Variants in LRRIQ1 observed in about 807,000 individuals in gnomAD.
The protein encoded by LRRIQ1 is leucine rich repeats and IQ motif containing 1.
LRRIQ1 carries 210 observed loss-of-function variants against 211.9 expected under a neutral mutation model. The observed-to-expected ratio is 0.99, with a 90% CI of 0.89 to 1.11. The LOEUF (loss-of-function observed/expected upper bound fraction) is 1.11, where lower values mean the gene tolerates loss of function less well. LRRIQ1 is among the 50% of genes most tolerant of loss of function. The probability of loss-of-function intolerance (pLI) is 0.00; values close to 1 mark genes in which losing one functional copy is unlikely to be tolerated. For missense variants in LRRIQ1, 2,136 were observed against 1,939.5 expected, an observed-to-expected ratio of 1.10 and a Z score of -1.90; for synonymous variants, 699 against 650.1, an observed-to-expected ratio of 1.08 and a Z score of -1.14.
chr12:85,037,078 CTT>C (rs1400606606), intron 1 of LRRIQ1, among the ~76,000 whole-genome samples: 1 of 152,096 alleles, frequency 6.6e-6, no homozygotes, highest in Non-Finnish European at 1.5e-5. Flanking sequence ...AATATAAACT[CTT>C]TGCAATGATA....
chr12:85,081,902 T>C (rs1419297392), intron 11 of LRRIQ1, among the ~76,000 whole-genome samples: 1 of 151,874 alleles, frequency 6.6e-6, no homozygotes, highest in African/African-American at 2.4e-5. Context: ...TTTGTATTTT[T>C]AGTAGAGAAG....
In LRRIQ1 at chr12:85,038,397, T is replaced by G. The variant is rs921022527; in HGVS notation, c.132+89T>G. On this transcript the variant is annotated intron_variant, in intron 2 of 26. Transcript: ENST00000393217. ...TCAGGATGTTTTTATGTACTTCTCA[T>G]TTTTAGCAGCATTGTTATAAACAAT... 3 of 928,338 alleles carry G rather than the reference T, an allele frequency of 3.2e-6. No homozygotes were observed. The Admixed American group carries it at 9.4e-5, about 29-fold the overall frequency. 57.5% of individuals were successfully genotyped at this position (928,338 alleles called of 1,614,324 possible). A position where few individuals can be genotyped will look rare whatever the true frequency, so the allele number is the denominator to read the frequency against.
At chr12:85,126,639 A>G (rs1888386069) in intron 17 of LRRIQ1, among the ~76,000 whole-genome samples, 1 of 152,184 alleles carries the variant, frequency 6.6e-6, no homozygotes, top group East Asian at 1.9e-4. Flanking sequence ...CTTATCTTAG[A>G]CCATATATTT....
At chr12:85,226,951 T>A (rs1894689389) in intron 24 of LRRIQ1, among the ~76,000 whole-genome samples, 1 of 152,120 alleles carries the variant, frequency 6.6e-6, no homozygotes, top group African/African-American at 2.4e-5. Flanking sequence ...GGATTGGTTC[T>A]AAGTCTTTGC....
intron 21 of LRRIQ1, 68 bp downstream of exon 21, chr12:85,153,213 T>TGGTATGGGCAGCTACTAGGGG: frequency 4.5e-6 from 6 of 1,345,268 alleles, no homozygotes; most frequent in Non-Finnish European, 6.1e-6. Context: ...CATACAAAAG[T>TGGTATGGGCAGCTACTAGGGG]AGTACAATTA....
At chr12:85,058,105 T>C (rs1357313686) in intron 8 of LRRIQ1, among the ~76,000 whole-genome samples, 1 of 152,018 alleles carries the variant, frequency 6.6e-6, no homozygotes, top group East Asian at 1.9e-4. Flanking sequence ...CACACATAAA[T>C]ACGTTATTAT....
chr12:85,254,634 T>C (rs572089070), intron 1 of LRRIQ1, among the ~76,000 whole-genome samples: 10 of 152,232 alleles, frequency 6.6e-5, no homozygotes, highest in African/African-American at 2.4e-4. Context: ...ATATTAATTT[T>C]ACTTGTACAT....
intron 24 of LRRIQ1, among the ~76,000 whole-genome samples, chr12:85,197,549 A>G (rs1565897921): frequency 6.6e-6 from 1 of 150,998 alleles, no homozygotes; most frequent in African/African-American, 2.4e-5. Flanking sequence ...GAAATTGGAA[A>G]TCATCATTCT....
chr12:85,154,469 A>G (rs1890434954), intron 23 of LRRIQ1, among the ~76,000 whole-genome samples: 1 of 151,318 alleles, frequency 6.6e-6, no homozygotes, highest in Non-Finnish European at 1.5e-5. Context: ...TATTCAATAA[A>G]TTGTATAAAT....
chr12:85,169,854 G>A (rs1042669589), intron 24 of LRRIQ1, among the ~76,000 whole-genome samples: 1 of 152,014 alleles, frequency 6.6e-6, no homozygotes, highest in Non-Finnish European at 1.5e-5. Flanking sequence ...TATATCCTCA[G>A]CACTTAGAGC....
chr12:85,146,772 C>A (rs1043061360), intron 19 of LRRIQ1, among the ~76,000 whole-genome samples: 1 of 151,708 alleles, frequency 6.6e-6, no homozygotes, highest in South Asian at 2.1e-4. Context: ...CTTTTATAAA[C>A]CATAACTAAG....
At chr12:85,160,743 G>C in intron 24 of LRRIQ1, 29 bp downstream of exon 24, 1 of 1,199,520 alleles carries the variant, frequency 8.3e-7, no homozygotes, top group Non-Finnish European at 1.2e-6. Context: ...TACATAGAGA[G>C]GTAAAAAGAT....
At chr12:85,265,245 CAT>C (rs1458417888), downstream of LRRIQ1, among the ~76,000 whole-genome samples, 3 of 152,084 alleles carry the variant, frequency 2.0e-5, no homozygotes, top group African/African-American at 7.2e-5. Context: ...GAAAGAGAAA[CAT>C]AGTGATGTCC....
intron 19 of LRRIQ1, among the ~76,000 whole-genome samples, chr12:85,144,995 C>T (rs1185714315): frequency 6.6e-6 from 1 of 151,158 alleles, no homozygotes; most frequent in Non-Finnish European, 1.5e-5. Flanking sequence ...GTATACAAAA[C>T]TTACCTGACG....
In LRRIQ1 at chr12:85,236,830, C is replaced by CATATATATATATATCTATATATATATAT. The variant is rs1555228690; in HGVS notation, c.5016+4088_5016+4089insCTATATATATATATATATATATATATAT. On this transcript the variant is annotated intron_variant, in intron 26 of 26. Transcript: ENST00000393217. The stretch of plus-strand genomic sequence containing the variant: ...CTGGATATATGTATGTGTATGTGTG[C>CATATATATATATATCTATATATATATAT]ATATATATATATATATATATATATA... Among the ~76,000 whole-genome samples, 47 of 108,798 alleles carry CATATATATATATATCTATATATATATAT rather than the reference C, an allele frequency of 4.3e-4. 2 individuals carry two copies. The East Asian group carries it at 0.01, about 23-fold the overall frequency. The allele number at this position is 108,798 out of a possible 152,430, so 71.4% of individuals were successfully genotyped here. A position where few individuals can be genotyped will look rare whatever the true frequency, so the allele number is the denominator to read the frequency against.
intron 11 of LRRIQ1, among the ~76,000 whole-genome samples, chr12:85,078,099 G>A (rs1260322683): frequency 6.6e-6 from 1 of 151,988 alleles, no homozygotes; most frequent in Non-Finnish European, 1.5e-5. Flanking sequence ...ATCGATTACT[G>A]TTTAATCAGT....
chr12:85,060,347 T>C (rs1321073221), intron 8 of LRRIQ1, among the ~76,000 whole-genome samples: 1 of 151,988 alleles, frequency 6.6e-6, no homozygotes, highest in Non-Finnish European at 1.5e-5. Flanking sequence ...TTATGGGTAA[T>C]GAATATATTT....
At chr12:85,270,443 A>G in the LRRIQ1 span, among the ~76,000 whole-genome samples, 9 of 152,180 alleles carry the variant, frequency 5.9e-5, no homozygotes, top group Admixed American at 4.6e-4. Flanking sequence ...ACCTTAATGC[A>G]GTACACACAC....
intron 10 of LRRIQ1, among the ~76,000 whole-genome samples, chr12:85,067,905 GGAAA>G (rs1230817132): frequency 9.9e-5 from 15 of 151,796 alleles, no homozygotes; most frequent in Non-Finnish European, 1.5e-4. Flanking sequence ...TCAAGTTTCG[GGAAA>G]GAAAGAATGT....
Sources: allele counts gnomAD v4.1 joint callset (sites outside exome capture counted in the v4.1 genomes callset), GRCh38; gene constraint gnomAD v4.1.1; transcripts MANE v1.5; gene names NCBI Gene and HGNC (gene_info 2026-07-23, HGNC 2026-07-21).